The following DLGAP1 variants were observed in gnomAD, a reference collection of about 807,000 sequenced individuals.
The protein encoded by DLGAP1 is DLG associated protein 1.
A neutral mutation model predicts 90.8 loss-of-function variants in DLGAP1; 11 were observed. The observed-to-expected ratio is 0.12, with a 90% CI of 0.08 to 0.20. DLGAP1 has a LOEUF of 0.20. DLGAP1 is among the 10% of genes least tolerant of loss of function. The pLI is 1.00. For synonymous variants in DLGAP1, 558 were observed against 540.7 expected, an observed-to-expected ratio of 1.03 and a Z score of -0.44; for missense variants, 1,050 against 1,333.8, an observed-to-expected ratio of 0.79 and a Z score of 3.31.
chr18:3,540,541 G>A (rs1217568818), intron 9 of DLGAP1, among the ~76,000 whole-genome samples: 1 of 148,034 alleles, frequency 6.8e-6, no homozygotes, highest in East Asian at 2.0e-4. Context: ...TTACTAATTT[G>A]GATCAGCTTC....
At chr18:3,574,057 G>A (rs570702733) in intron 8 of DLGAP1, among the ~76,000 whole-genome samples, 56 of 152,176 alleles carry the variant, frequency 3.7e-4, no homozygotes, top group Non-Finnish European at 7.5e-4. Context: ...ATACATGAGT[G>A]TACGTATTAT....
At chr18:4,169,764 T>C (rs889714661) in intron 1 of DLGAP1, among the ~76,000 whole-genome samples, 1 of 152,220 alleles carries the variant, frequency 6.6e-6, no homozygotes, top group African/African-American at 2.4e-5. Context: ...CCGAGTCTAG[T>C]TCCAATCTGT....
intron 9 of DLGAP1, among the ~76,000 whole-genome samples, chr18:3,537,956 A>G (rs1286008249): frequency 6.6e-6 from 1 of 152,202 alleles, no homozygotes; most frequent in Non-Finnish European, 1.5e-5. Flanking sequence ...ACTAAACAAT[A>G]TTTATACAAC....
intron 3 of DLGAP1, among the ~76,000 whole-genome samples, chr18:3,893,182 G>A (rs1428972036): frequency 2.6e-5 from 4 of 152,060 alleles, no homozygotes; most frequent in Admixed American, 2.6e-4. Flanking sequence ...TTTCACTTAA[G>A]ATAATGGCCT....
intron 1 of DLGAP1, among the ~76,000 whole-genome samples, chr18:4,229,710 T>A (rs1204051738): frequency 6.6e-6 from 1 of 151,982 alleles, no homozygotes; most frequent in African/African-American, 2.4e-5. Context: ...CATCATATTA[T>A]GAAACTACTA....
chr18:3,847,048 T>C lies in DLGAP1; in HGVS notation c.957+32064A>G, dbSNP rs145654410. The stretch of plus-strand genomic sequence containing the variant: ...TGCTTGCTCATGATATATGATCTTT[T>C]AAATATATTGATGTATTCAATTTGT... On this transcript the variant is annotated intron_variant, in intron 4 of 12. Transcript: ENST00000315677. Among the ~76,000 whole-genome samples the C allele has an allele frequency of 2.5e-3, 382 of 152,342 alleles. 1 individual carries two copies. The highest frequency in any genetic ancestry group is 0.017 in the Middle Eastern group (5 of 294).
chr18:4,428,125 C>T (rs1252344481), intron 1 of DLGAP1, among the ~76,000 whole-genome samples: 1 of 152,072 alleles, frequency 6.6e-6, no homozygotes, highest in East Asian at 1.9e-4. Context: ...AAATCTGGGT[C>T]CCCCCCTCAA....
At chr18:4,269,705 G>A (rs2079230624) in intron 1 of DLGAP1, among the ~76,000 whole-genome samples, 1 of 151,158 alleles carries the variant, frequency 6.6e-6, no homozygotes, top group African/African-American at 2.4e-5. Context: ...ATTTGAAAGG[G>A]CCATTGACAT....
At chr18:4,138,806 G>C (rs535083378) in intron 2 of DLGAP1, among the ~76,000 whole-genome samples, 174 of 151,914 alleles carry the variant, frequency 1.1e-3, no homozygotes, top group African/African-American at 3.9e-3. Context: ...TTACAGCTTT[G>C]ATCTCATTAG....
At chr18:4,207,866 T>TA (rs955238635) in intron 1 of DLGAP1, among the ~76,000 whole-genome samples, 12 of 152,182 alleles carry the variant, frequency 7.9e-5, no homozygotes, top group African/African-American at 1.4e-4. Context: ...TTTCCCCTAT[T>TA]AAAAAATCAT....
At chr18:3,771,939 T>G (rs2148015951) in intron 5 of DLGAP1, among the ~76,000 whole-genome samples, 1 of 152,258 alleles carries the variant, frequency 6.6e-6, no homozygotes, top group African/African-American at 2.4e-5. Flanking sequence ...CCCTTCTGAG[T>G]TCGCATTTCT....
At chr18:3,656,135 G>T in intron 7 of DLGAP1, 1 of 1,545,168 alleles carries the variant, frequency 6.5e-7, no homozygotes, top group Non-Finnish European at 8.7e-7. Context: ...ACAAAAAGTG[G>T]CAGTTATATA....
At chr18:3,817,509 A>T (rs2067165020) in intron 4 of DLGAP1, among the ~76,000 whole-genome samples, 1 of 152,234 alleles carries the variant, frequency 6.6e-6, no homozygotes, top group African/African-American at 2.4e-5. Flanking sequence ...ACATAAAATA[A>T]TACAGTAATC....
intron 7 of DLGAP1, among the ~76,000 whole-genome samples, chr18:3,700,344 C>T (rs2061240023): frequency 6.6e-6 from 1 of 152,196 alleles, no homozygotes; most frequent in South Asian, 2.1e-4. Context: ...CCTCACAGCA[C>T]AGTCCCTCAA....
chr18:3,721,059 A>G (rs898928864), intron 7 of DLGAP1, among the ~76,000 whole-genome samples: 3 of 151,076 alleles, frequency 2.0e-5, no homozygotes, highest in Non-Finnish European at 4.4e-5. Flanking sequence ...CTGCCTCCAG[A>G]AAAAAAAAGG....
chr18:4,384,213 T>C (rs11662210), intron 1 of DLGAP1, among the ~76,000 whole-genome samples: 6,021 of 152,234 alleles, frequency 0.04, 157 homozygotes, highest in Non-Finnish European at 0.06. Flanking sequence ...AGGGAGGACA[T>C]TTGCAGAGCT....
intron 5 of DLGAP1, among the ~76,000 whole-genome samples, chr18:3,755,757 A>C (rs1004376828): frequency 6.6e-6 from 1 of 151,660 alleles, no homozygotes; most frequent in African/African-American, 2.4e-5. Flanking sequence ...AGCAATGGAT[A>C]ACACAATTAG....
intron 7 of DLGAP1, among the ~76,000 whole-genome samples, chr18:3,693,751 A>G (rs1861805): frequency 1.3e-5 from 2 of 152,118 alleles, no homozygotes; most frequent in Non-Finnish European, 2.9e-5. Flanking sequence ...CTGTTTATTG[A>G]AAAGGACAAA....
intron 3 of DLGAP1, among the ~76,000 whole-genome samples, chr18:3,893,590 TAATAA>T (rs2071536859): frequency 1.5e-5 from 2 of 132,552 alleles, no homozygotes; most frequent in Admixed American, 7.7e-5. Flanking sequence ...AAAATAATAA[TAATAA>T]TAATAATAAT....
Sources: gnomAD v4.1 joint callset for allele counts (sites outside exome capture counted in the v4.1 genomes callset) on GRCh38, gnomAD v4.1.1 for gene constraint, MANE v1.5 for transcripts, NCBI Gene and HGNC (gene_info 2026-07-23, HGNC 2026-07-21) for gene names.